The following CREBL2 variants were observed in gnomAD, a reference collection of about 807,000 sequenced individuals.
CREBL2 encodes cAMP responsive element binding protein like 2, also known as cAMP-responsive element-binding protein-like 2.
CREBL2 carries 4 observed loss-of-function variants against 19.5 expected under a neutral mutation model. The ratio of observed to expected loss-of-function variants is 0.20; its 90% confidence interval spans 0.10 to 0.47. The LOEUF (loss-of-function observed/expected upper bound fraction) is 0.47, where lower values mean the gene tolerates loss of function less well. Among genes scored for constraint, CREBL2 ranks in the 20% least tolerant of loss-of-function variants. CREBL2 has a pLI of 0.98. For missense variants in CREBL2, 85 were observed against 145.1 expected (o/e 0.59, Z 2.13); for synonymous variants, 42 against 46.6 (o/e 0.90, Z 0.40).
intron 1 of CREBL2, among the ~76,000 whole-genome samples, chr12:12,617,605 C>T (rs548239403): frequency 8.6e-5 from 11 of 128,514 alleles, no homozygotes; most frequent in South Asian, 2.7e-4. Context: ...TGCTTTACTA[C>T]GGTGCAGTAG....
chr12:12,612,514 C>T (rs547222726), intron 1 of CREBL2, among the ~76,000 whole-genome samples: 2 of 152,242 alleles, frequency 1.3e-5, no homozygotes, highest in South Asian at 4.1e-4. Flanking sequence ...TTGCTGCCTC[C>T]TCTCTCCAGT....
chr12:12,635,652 T>C, intron 1 of CREBL2, 125 bp from the exon 2 acceptor site: 2 of 1,133,672 alleles, frequency 1.8e-6, no homozygotes, highest in Admixed American at 2.9e-5. Flanking sequence ...GATTATGCTT[T>C]CTTAGTTCCG....
At chr12:12,635,750 A>T (rs765456238) in intron 1 of CREBL2, 27 bp from the exon 2 acceptor site, 7 of 1,580,440 alleles carry the variant, frequency 4.4e-6, no homozygotes, top group Non-Finnish European at 5.2e-6. Flanking sequence ...CTAAGGAAAA[A>T]ATTATTTCTT....
rs775878349 is a variant in CREBL2, at chr12:12,637,704, T to C, written c.348T>C (p.Asn116=). 2 of 1,609,562 alleles carry C rather than the reference T, an allele frequency of 1.2e-6. No homozygotes were observed. The highest frequency in any genetic ancestry group is 2.2e-5 in the East Asian group (1 of 44,806). The change falls in exon 3 of 4, where the codon AAT becomes AAC. Residue 116 remains asparagine, a synonymous_variant. Coordinates refer to ENST00000228865, the MANE Select transcript of CREBL2 (RefSeq NM_001310.4). The part of the protein sequence containing the change: ...RHTKAGKTDA[N]SNSW ...CCAAGGCTGGGAAGACAGATGCTAA[T>C]AGCAATTCCTGTAAGTGCCATCAAT...
chr12:12,641,681 A>G lies in CREBL2; in HGVS notation c.359-313A>G, dbSNP rs75875969. 1.5e-4 allele frequency among the ~76,000 whole-genome samples: 23 copies of G among 152,216 alleles called. No homozygotes were observed. In the East Asian group the frequency reaches 4.4e-3, roughly 29 times the overall value. The stretch of plus-strand genomic sequence containing the variant: ...TCGGCTTTTTGATAACTTTTATTAG[A>G]TAACATTTGTCTTCATCTAGGTTGA... On this transcript the variant is annotated intron_variant, in intron 3 of 3. Transcript: ENST00000228865.
chr12:12,634,063 AG>A (rs1945458236), intron 1 of CREBL2, among the ~76,000 whole-genome samples: 1 of 152,256 alleles, frequency 6.6e-6, no homozygotes, highest in Non-Finnish European at 1.5e-5. Context: ...GGGAATTTAA[AG>A]AATAGTGTAT....
chr12:12,632,147 G>C (rs1430303016), intron 1 of CREBL2, among the ~76,000 whole-genome samples: 1 of 123,256 alleles, frequency 8.1e-6, no homozygotes, highest in Middle Eastern at 7.7e-3. Context: ...GCGGGATCTC[G>C]GCTCACTGCA....
intron 1 of CREBL2, chr12:12,615,470 A>AT (rs1482652637): frequency 6.6e-6 from 1 of 151,066 alleles, no homozygotes; most frequent in African/African-American, 2.4e-5. Flanking sequence ...AACAGTCCCC[A>AT]TTCCATTGAT....
At chr12:12,630,920 T>C (rs900233118) in intron 1 of CREBL2, among the ~76,000 whole-genome samples, 9 of 152,256 alleles carry the variant, frequency 5.9e-5, no homozygotes, top group Admixed American at 1.3e-4. Context: ...ACATTGGTTA[T>C]TTAAGAATGT....
At chr12:12,614,712 CT>C in intron 1 of CREBL2, 1 of 293,546 alleles carries the variant, frequency 3.4e-6, no homozygotes, top group Non-Finnish European at 6.7e-6. Context: ...GCTGTCAGCT[CT>C]TAAGAGTACT....
At position 12,612,039 on chromosome 12, in the gene CREBL2, G is replaced by A. The variant is rs1204172957; in HGVS notation, c.-134G>A. The A allele has an allele frequency of 8.4e-6, 9 of 1,074,428 alleles. No homozygotes were observed. Among genetic ancestry groups the A allele is most frequent in the Non-Finnish European group, 1.2e-5 (9 of 726,272 alleles). The allele number at this position is 1,074,428 out of a possible 1,614,324, so 66.6% of individuals were successfully genotyped here. The stretch of plus-strand genomic sequence containing the variant: ...CCCGTGACTCTGGCATCAGGGAAGC[G>A]AACTGTTAGGCGAGAGGAGGAGGCA... On this transcript the variant is annotated 5_prime_UTR_variant, in exon 1 of 4. Coordinates refer to ENST00000228865, the MANE Select transcript of CREBL2 (RefSeq NM_001310.4).
intron 1 of CREBL2, among the ~76,000 whole-genome samples, chr12:12,628,478 A>G (rs1945419587): frequency 6.6e-6 from 1 of 152,182 alleles, no homozygotes; most frequent in African/African-American, 2.4e-5. Flanking sequence ...TACCTTGATT[A>G]TCCTTGAAAT....
intron 1 of CREBL2, among the ~76,000 whole-genome samples, chr12:12,622,649 A>G (rs906138024): frequency 7.2e-5 from 11 of 152,162 alleles, no homozygotes; most frequent in Non-Finnish European, 1.6e-4. Flanking sequence ...CAGCAGGAAG[A>G]TGTGAGTAGA....
chr12:12,640,436 G>A (rs1351314020), intron 3 of CREBL2, among the ~76,000 whole-genome samples: 5 of 152,076 alleles, frequency 3.3e-5, no homozygotes, highest in African/African-American at 9.7e-5. Context: ...AGATCTTATG[G>A]TTTTCTTCCC....
At chr12:12,636,383 A>T (rs1267012899) in intron 2 of CREBL2, among the ~76,000 whole-genome samples, 1 of 152,116 alleles carries the variant, frequency 6.6e-6, no homozygotes, top group Admixed American at 6.5e-5. Flanking sequence ...ATAGCATACC[A>T]TTTGTGTTTA....
rs764318551 is a variant in CREBL2 at position 12,638,416 on chromosome 12, G to A, written c.358+702G>A. 5.9e-5 allele frequency among the ~76,000 whole-genome samples: 9 copies of A among 152,130 alleles called. No homozygotes were observed. In the South Asian group the frequency reaches 1.0e-3, roughly 18 times the overall value. ...CATGCCATTGCACTCCAGCCTGGGC[G>A]ACAGAGTGAGACCTCGTCTCAAAAA... On this transcript the variant is annotated intron_variant, in intron 3 of 3. Transcript: ENST00000228865.
intron 1 of CREBL2, among the ~76,000 whole-genome samples, chr12:12,612,734 C>G (rs780216056): frequency 4.6e-5 from 7 of 152,172 alleles, no homozygotes; most frequent in Admixed American, 3.9e-4. Context: ...TAAAAAAATA[C>G]TGATTTTCCT....
intron 2 of CREBL2, among the ~76,000 whole-genome samples, chr12:12,636,320 A>G (rs1566114180): frequency 6.6e-6 from 1 of 152,260 alleles, no homozygotes; most frequent in Non-Finnish European, 1.5e-5. Context: ...TGATGTAGAA[A>G]GATACAATAT....
At chr12:12,621,525 A>G in intron 1 of CREBL2, among the ~76,000 whole-genome samples, 1 of 132,386 alleles carries the variant, frequency 7.6e-6, no homozygotes. Flanking sequence ...TCTCAAACCA[A>G]AAAAAAAAAA....
Sources: gnomAD v4.1 joint callset for allele counts (sites outside exome capture counted in the v4.1 genomes callset) on GRCh38, gnomAD v4.1.1 for gene constraint, MANE v1.5 for transcripts, NCBI Gene and HGNC (gene_info 2026-07-23, HGNC 2026-07-21) for gene names.